The following UBE2N variants were observed in gnomAD, a reference collection of about 807,000 sequenced individuals.
UBE2N encodes the protein ubiquitin conjugating enzyme E2 N, also known as ubiquitin-conjugating enzyme E2 N.
For synonymous variants in UBE2N, 70 were observed against 69.2 expected (o/e 1.01, Z -0.06); for missense variants, 60 against 192.1 (o/e 0.31, Z 4.07).
Position 93,426,489 on chromosome 12 carries a change from G to A in UBE2N, c.31-15190C>T, listed in dbSNP as rs189353581. ...ACAGTTTTCTTGAGGAAGGAAATCG[G>A]GTGGCTGGAACACAGGTAGGAGACA... On this transcript the variant is annotated intron_variant, in intron 1 of 3. Coordinates refer to ENST00000318066, the MANE Select transcript of UBE2N (RefSeq NM_003348.4). 2.5e-3 allele frequency among the ~76,000 whole-genome samples: 380 copies of A among 151,642 alleles called. 1 individual carries two copies. The highest frequency in any genetic ancestry group is 2.9e-3 in the Non-Finnish European group (199 of 67,966).
At chr12:93,411,737 C>T (rs924073466) in intron 1 of UBE2N, among the ~76,000 whole-genome samples, 4 of 152,030 alleles carry the variant, frequency 2.6e-5, no homozygotes, top group Admixed American at 6.6e-5. Context: ...TTGTCACTCA[C>T]GCTGGAGTGC....
In UBE2N at chr12:93,407,669, T is replaced by A. The variant is rs908249715; in HGVS notation, c.*2370A>T. On this transcript the variant is annotated 3_prime_UTR_variant, in exon 4 of 4. Transcript: ENST00000318066. Reference sequence around the variant, plus strand: ...AAGTTACCCGAATTCTGGATTTTCATGCAAATCTCCCAATTTTTAAAAATG... The same window carrying A: ...AAGTTACCCGAATTCTGGATTTTCAAGCAAATCTCCCAATTTTTAAAAATG... The A allele has an allele frequency of 6.6e-5, 10 of 152,226 alleles. No individual in the cohort carries two copies. Among genetic ancestry groups the A allele is most frequent in the African/African-American group, 2.2e-4 (9 of 41,444 alleles). 9.4% of individuals were successfully genotyped at this position (152,226 alleles called of 1,614,324 possible).
chr12:93,421,437 C>T (rs957619103), intron 1 of UBE2N, among the ~76,000 whole-genome samples: 10 of 152,086 alleles, frequency 6.6e-5, no homozygotes, highest in Non-Finnish European at 1.0e-4. Flanking sequence ...CTCCTGACCT[C>T]GTGATCTGCC....
At chr12:93,413,029 T>C (rs1592740127) in intron 1 of UBE2N, among the ~76,000 whole-genome samples, 1 of 152,376 alleles carries the variant, frequency 6.6e-6, no homozygotes, top group East Asian at 1.9e-4. Context: ...GAGGAACCTC[T>C]ACTTTGCTTG....
chr12:93,413,408 A>T (rs1048548590), intron 1 of UBE2N, among the ~76,000 whole-genome samples: 5 of 152,124 alleles, frequency 3.3e-5, no homozygotes, highest in African/African-American at 1.2e-4. Context: ...AATGCAATGA[A>T]TTTAAATACT....
intron 3 of UBE2N, chr12:93,410,391 G>C: frequency 2.0e-6 from 1 of 488,098 alleles, no homozygotes. Flanking sequence ...TCCAAATTCC[G>C]TAGCCATAAA....
intron 1 of UBE2N, among the ~76,000 whole-genome samples, chr12:93,418,851 T>C (rs1878305465): frequency 6.6e-6 from 1 of 152,208 alleles, no homozygotes; most frequent in South Asian, 2.1e-4. Flanking sequence ...TCTTTTATCA[T>C]AGCCTTCAAT....
rs1308788736 is a variant in UBE2N, at chr12:93,410,143, A to C, written c.419-64T>G. 11 of 1,482,866 alleles carry C rather than the reference A, an allele frequency of 7.4e-6. No individual in the cohort carries two copies. The African/African-American group carries it at 1.5e-4, about 21-fold the overall frequency. 91.9% of individuals were successfully genotyped at this position (1,482,866 alleles called of 1,614,324 possible). The stretch of plus-strand genomic sequence containing the variant: ...AGTTCAATATGTTACTTTCCAAACT[A>C]TAAATGGCAAACAACCACTATTAAT... On this transcript the variant is annotated intron_variant, in intron 3 of 3. Coordinates refer to ENST00000318066, the MANE Select transcript of UBE2N (RefSeq NM_003348.4).
intron 1 of UBE2N, among the ~76,000 whole-genome samples, chr12:93,428,413 T>C (rs1216822163): frequency 2.0e-5 from 3 of 152,210 alleles, no homozygotes; most frequent in Non-Finnish European, 2.9e-5. Context: ...TTTCTACTTA[T>C]GCTTCAAAAT....
intron 1 of UBE2N, among the ~76,000 whole-genome samples, chr12:93,416,738 G>T (rs1030060308): frequency 1.3e-5 from 2 of 151,654 alleles, no homozygotes; most frequent in African/African-American, 4.8e-5. Context: ...TTGCAGGTGG[G>T]ATGCCATGGT....
At chr12:93,424,867 A>G (rs951773947) in intron 1 of UBE2N, among the ~76,000 whole-genome samples, 2 of 152,238 alleles carry the variant, frequency 1.3e-5, no homozygotes, top group Non-Finnish European at 2.9e-5. Flanking sequence ...ATGAGCATTC[A>G]TTGTGCTTTC....
chr12:93,421,294 C>T (rs1451621174), intron 1 of UBE2N, among the ~76,000 whole-genome samples: 1 of 152,018 alleles, frequency 6.6e-6, no homozygotes, highest in African/African-American at 2.4e-5. Flanking sequence ...CTCCACCTCC[C>T]GGGTTCACAC....
At chr12:93,439,836 T>C (rs186684647) in intron 1 of UBE2N, among the ~76,000 whole-genome samples, 208 of 152,194 alleles carry the variant, frequency 1.4e-3, no homozygotes, top group Middle Eastern at 3.4e-3. Flanking sequence ...ATTCATTAGA[T>C]AGATGTTGTC....
chr12:93,431,328 T>C lies in UBE2N; in HGVS notation c.30+10527A>G, dbSNP rs1878766925. 2.0e-5 allele frequency among the ~76,000 whole-genome samples: 3 copies of C among 152,174 alleles called. No individual in the cohort carries two copies. In the South Asian group the frequency reaches 6.2e-4, roughly 32 times the overall value. ...CTTAAACATGTTTCCACTTCATGTG[T>C]CCAAATGATACAGTATAAAAATACA... On this transcript the variant is annotated intron_variant, in intron 1 of 3. Transcript: ENST00000318066.
At position 93,411,035 on chromosome 12, in the gene UBE2N, G is replaced by A. The variant is rs1378445835; in HGVS notation, c.277+18C>T. The A allele has an allele frequency of 1.2e-6, 2 of 1,613,746 alleles. No individual in the cohort carries two copies. Among genetic ancestry groups the A allele is most frequent in the Non-Finnish European group, 1.7e-6 (2 of 1,179,742 alleles). On this transcript the variant is annotated intron_variant, in intron 2 of 3. Coordinates refer to ENST00000318066, the MANE Select transcript of UBE2N (RefSeq NM_003348.4). ...AGAAAGCTTAATAATAGCATATGCTGATAAAGATAACACTTACCTTTCAAA... is the reference window on the plus strand; with the variant it reads ...AGAAAGCTTAATAATAGCATATGCTAATAAAGATAACACTTACCTTTCAAA...
chr12:93,439,575 G>C (rs1182805211), intron 1 of UBE2N, among the ~76,000 whole-genome samples: 1 of 152,112 alleles, frequency 6.6e-6, no homozygotes, highest in African/African-American at 2.4e-5. Flanking sequence ...TATTGCCTCA[G>C]GACAATACCG....
At position 93,408,657 on chromosome 12, in the gene UBE2N, A is replaced by G. The variant is rs929728596; in HGVS notation, c.*1382T>C. The G allele has an allele frequency of 3.3e-5, 5 of 152,236 alleles. No homozygotes were observed. The highest frequency in any genetic ancestry group is 1.2e-4 in the African/African-American group (5 of 41,472). The allele number at this position is 152,236 out of a possible 1,614,324, so 9.4% of individuals were successfully genotyped here. On this transcript the variant is annotated 3_prime_UTR_variant, in exon 4 of 4. Coordinates refer to ENST00000318066, the MANE Select transcript of UBE2N (RefSeq NM_003348.4). ...GTTTTGTGAGGGGAGGAATTCGTCA[A>G]TAAAGAAGAAAAATTACTGAATTCC...
intron 1 of UBE2N, among the ~76,000 whole-genome samples, chr12:93,422,206 A>C (rs148091797): frequency 3.7e-4 from 56 of 152,296 alleles, no homozygotes; most frequent in African/African-American, 1.3e-3. Flanking sequence ...TGTCCTTTGA[A>C]TATTCAGCAC....
At chr12:93,427,092 G>GT (rs970276047) in intron 1 of UBE2N, among the ~76,000 whole-genome samples, 19 of 151,956 alleles carry the variant, frequency 1.3e-4, no homozygotes, top group African/African-American at 4.3e-4. Context: ...GCTAATTTTT[G>GT]TATTTTTAGT....
Sources: gnomAD v4.1 joint callset for allele counts (sites outside exome capture counted in the v4.1 genomes callset) on GRCh38, gnomAD v4.1.1 for gene constraint, MANE v1.5 for transcripts, NCBI Gene and HGNC (gene_info 2026-07-23, HGNC 2026-07-21) for gene names.